Variants in ANKS1B observed in about 807,000 individuals in gnomAD.
ANKS1B encodes ankyrin repeat and sterile alpha motif domain-containing protein 1B.
Under a neutral mutation model 148.3 loss-of-function variants are expected in ANKS1B, and 36 were observed. The observed-to-expected ratio is 0.24, with a 90% CI of 0.19 to 0.32. ANKS1B has a LOEUF of 0.32. Ranked by LOEUF, ANKS1B falls within the 10% of genes least tolerant of loss-of-function variation. The pLI is 1.00. For missense variants in ANKS1B, 1,157 were observed against 1,542.6 expected (o/e 0.75, Z 4.19); for synonymous variants, 542 against 560.8 (o/e 0.97, Z 0.47).
At chr12:99,890,938 T>C (rs1381621077) in intron 1 of ANKS1B, among the ~76,000 whole-genome samples, 7 of 152,246 alleles carry the variant, frequency 4.6e-5, no homozygotes, top group East Asian at 1.9e-4. Context: ...GGGAAACCTA[T>C]AGATTTAAAA....
intron 9 of ANKS1B, among the ~76,000 whole-genome samples, chr12:99,587,899 T>A (rs988428374): frequency 2.0e-5 from 3 of 152,112 alleles, no homozygotes; most frequent in South Asian, 4.2e-4. Flanking sequence ...AGGAGGAGTA[T>A]CCAATAGAGC....
chr12:99,374,776 G>T (rs1435135368), intron 12 of ANKS1B, among the ~76,000 whole-genome samples: 2 of 152,052 alleles, frequency 1.3e-5, no homozygotes, highest in African/African-American at 4.8e-5. Context: ...TCTTCTTTGT[G>T]TTTCTGGTAT....
chr12:99,089,542 A>C (rs1017000699), intron 15 of ANKS1B, among the ~76,000 whole-genome samples: 1 of 152,238 alleles, frequency 6.6e-6, no homozygotes, highest in African/African-American at 2.4e-5. Flanking sequence ...GCTACTCTAC[A>C]GTTAGAGACA....
chr12:99,699,873 T>C (rs2054535409), intron 8 of ANKS1B, among the ~76,000 whole-genome samples: 1 of 152,200 alleles, frequency 6.6e-6, no homozygotes, highest in African/African-American at 2.4e-5. Flanking sequence ...GCTGTTTGCA[T>C]TTTCCTGCAT....
At chr12:99,662,793 C>T (rs191834669) in intron 8 of ANKS1B, among the ~76,000 whole-genome samples, 1 of 152,250 alleles carries the variant, frequency 6.6e-6, no homozygotes, top group East Asian at 1.9e-4. Context: ...ACTCCTCCCC[C>T]TCCCCTATCA....
Position 99,772,919 on chromosome 12 carries a change from T to C in ANKS1B, c.1128+3A>G, listed in dbSNP as rs1363682689. On this transcript the variant is annotated splice_donor_region_variant and intron_variant, in intron 8 of 26. Transcript: ENST00000683438. ...TATCTTCATTCCCCCCCGCCTTACT[T>C]ACTACACTCTGGCTTCCATTTTTCC... 1 of 1,609,254 alleles carries C rather than the reference T, an allele frequency of 6.2e-7. No homozygotes were observed.
Position 99,903,914 on chromosome 12 carries a change from G to C in ANKS1B, c.135-78525C>G, listed in dbSNP as rs986356933. 2.6e-5 allele frequency among the ~76,000 whole-genome samples: 4 copies of C among 152,032 alleles called. No individual in the cohort carries two copies. The South Asian group carries it at 8.3e-4, about 31-fold the overall frequency. ...AATTAAAAATAAAAAAAAATAAAAA[G>C]TTGCCAAGTGTTCAAAACCCAGTGT... On this transcript the variant is annotated intron_variant, in intron 1 of 26. Transcript: ENST00000683438.
intron 14 of ANKS1B, among the ~76,000 whole-genome samples, chr12:99,155,936 C>A (rs1379860138): frequency 1.3e-5 from 2 of 152,164 alleles, no homozygotes; most frequent in Non-Finnish European, 2.9e-5. Flanking sequence ...CGGAGAAGCA[C>A]AGATTGAGAA....
intron 10 of ANKS1B, among the ~76,000 whole-genome samples, chr12:99,484,668 C>T (rs1335227097): frequency 6.6e-6 from 1 of 151,008 alleles, no homozygotes; most frequent in Non-Finnish European, 1.5e-5. Flanking sequence ...CTGGGAGCTC[C>T]AGTGTTAGGT....
intron 1 of ANKS1B, among the ~76,000 whole-genome samples, chr12:99,898,168 G>C (rs2153758550): frequency 6.6e-6 from 1 of 152,196 alleles, no homozygotes; most frequent in African/African-American, 2.4e-5. Flanking sequence ...TGGACAACTA[G>C]TAAATATGAC....
At chr12:99,283,271 C>T (rs1450394099) in intron 12 of ANKS1B, among the ~76,000 whole-genome samples, 1 of 152,070 alleles carries the variant, frequency 6.6e-6, no homozygotes, top group Admixed American at 6.6e-5. Flanking sequence ...TGGGTAGATG[C>T]CAGATTTCTC....
chr12:98,803,773 A>C (rs1295877029), intron 20 of ANKS1B, among the ~76,000 whole-genome samples: 1 of 152,246 alleles, frequency 6.6e-6, no homozygotes, highest in Non-Finnish European at 1.5e-5. Flanking sequence ...TAGTACATTA[A>C]GCATGCAAAT....
At chr12:99,082,045 C>G (rs1473048938) in intron 16 of ANKS1B, among the ~76,000 whole-genome samples, 1 of 152,038 alleles carries the variant, frequency 6.6e-6, no homozygotes, top group African/African-American at 2.4e-5. Context: ...CATAAAATCT[C>G]AGAGGAAAGG....
chr12:99,031,104 C>A (rs2099951846), intron 17 of ANKS1B, among the ~76,000 whole-genome samples: 1 of 152,184 alleles, frequency 6.6e-6, no homozygotes, highest in African/African-American at 2.4e-5. Context: ...TCTGGTGCTA[C>A]TAACGTAAAA....
At chr12:99,400,704 A>C (rs948651928) in intron 11 of ANKS1B, among the ~76,000 whole-genome samples, 1 of 144,874 alleles carries the variant, frequency 6.9e-6, no homozygotes, top group African/African-American at 2.6e-5. Flanking sequence ...TATATTACTG[A>C]AATACTAAAA....
At chr12:98,887,682 A>C (rs553571201) in intron 17 of ANKS1B, among the ~76,000 whole-genome samples, 1 of 152,060 alleles carries the variant, frequency 6.6e-6, no homozygotes, top group African/African-American at 2.4e-5. Flanking sequence ...ATCTTGGCTC[A>C]CTGCAACCTC....
intron 9 of ANKS1B, among the ~76,000 whole-genome samples, chr12:99,638,044 A>AT (rs1307002840): frequency 6.6e-6 from 1 of 151,820 alleles, no homozygotes; most frequent in South Asian, 2.1e-4. Flanking sequence ...TTATAAGGGT[A>AT]TTTTTCCCCC....
At chr12:99,807,864 C>T (rs928945725) in intron 3 of ANKS1B, among the ~76,000 whole-genome samples, 5 of 152,110 alleles carry the variant, frequency 3.3e-5, no homozygotes, top group African/African-American at 4.8e-5. Flanking sequence ...ACTATTACTA[C>T]TACTACTTGT....
At chr12:99,457,757 T>C (rs940175675) in intron 10 of ANKS1B, among the ~76,000 whole-genome samples, 1 of 152,126 alleles carries the variant, frequency 6.6e-6, no homozygotes, top group Non-Finnish European at 1.5e-5. Flanking sequence ...CACCTAACAC[T>C]GGAAGTCCCA....
Sources: gnomAD v4.1 joint callset for allele counts (sites outside exome capture counted in the v4.1 genomes callset) on GRCh38, gnomAD v4.1.1 for gene constraint, MANE v1.5 for transcripts, NCBI Gene and HGNC (gene_info 2026-07-23, HGNC 2026-07-21) for gene names.